Variants in WEE2 observed in about 807,000 individuals in gnomAD.
WEE2 encodes the protein WEE2 oocyte meiosis inhibiting kinase, also known as wee1-like protein kinase 2.
In WEE2, 50 loss-of-function variants were observed where a neutral mutation model predicts 60.1. That is an observed-to-expected ratio of 0.83 (90% confidence interval 0.66 to 1.05). The LOEUF (loss-of-function observed/expected upper bound fraction) is 1.05, where lower values mean the gene tolerates loss of function less well. Among genes scored for constraint, WEE2 ranks in the 50% least tolerant of loss-of-function variants. WEE2 has a pLI of 0.00. For missense variants in WEE2, 631 were observed against 684.3 expected (o/e 0.92, Z 0.87); for synonymous variants, 240 against 241.0 (o/e 1.00, Z 0.04).
chr7:141,716,768 A>G (rs1798805673), intron 3 of WEE2, among the ~76,000 whole-genome samples: 1 of 152,190 alleles, frequency 6.6e-6, no homozygotes, highest in Non-Finnish European at 1.5e-5. Context: ...AGGGAAAATT[A>G]AGATATTTTT....
At chr7:141,726,110 T>A (rs1563017097) in intron 9 of WEE2, among the ~76,000 whole-genome samples, 1 of 152,170 alleles carries the variant, frequency 6.6e-6, no homozygotes, top group Non-Finnish European at 1.5e-5. Flanking sequence ...AAAAGGAAGA[T>A]ACTATGTTGA....
rs1234271455 is a variant in WEE2, at chr7:141,719,113, A to G, written c.627A>G (p.Glu209=). Residue 209 remains glutamate, a synonymous_variant, in exon 4 of 12, where the codon GAA becomes GAG. Transcript: ENST00000397541. ...LRETNMASRY[E]KEFLEVEKIG... ...AAACCAACATGGCTTCCCGCTATGA[A>G]AAAGAATTCTTGGAGGTTGAAAAAA... 3 of 1,614,104 alleles carry G rather than the reference A, an allele frequency of 1.9e-6. No homozygotes were observed. In the African/African-American group the frequency reaches 4.0e-5, roughly 22 times the overall value.
At chr7:141,723,919 T>A (rs755667095) in intron 6 of WEE2, 22 bp from the exon 7 acceptor site, 2 of 1,504,984 alleles carry the variant, frequency 1.3e-6, no homozygotes, top group Non-Finnish European at 9.2e-7. Flanking sequence ...TACTTACATC[T>A]ATCCTGTCAT....
At chr7:141,716,947 C>A (rs1798809935) in intron 3 of WEE2, among the ~76,000 whole-genome samples, 1 of 152,066 alleles carries the variant, frequency 6.6e-6, no homozygotes, top group African/African-American at 2.4e-5. Flanking sequence ...CAAACATTAT[C>A]CTTAGAGATG....
chr7:141,716,633 A>T (rs1798802062), intron 3 of WEE2, among the ~76,000 whole-genome samples: 1 of 151,946 alleles, frequency 6.6e-6, no homozygotes. Context: ...GCTAGTTGTA[A>T]CTCTGCCAGG....
chr7:141,727,546 A>G (rs1799040288), intron 10 of WEE2, 100 bp downstream of exon 10: 3 of 1,445,038 alleles, frequency 2.1e-6, no homozygotes, highest in Admixed American at 4.2e-5. Context: ...AAGTATAAAT[A>G]TATTCACCAT....
chr7:141,723,906 C>T (rs749901624), intron 6 of WEE2, 35 bp from the exon 7 acceptor site: 35 of 1,355,650 alleles, frequency 2.6e-5, no homozygotes, highest in Middle Eastern at 4.0e-4. Context: ...GCTTAGAAGT[C>T]ATTACTTACA....
rs766578780 is a variant in WEE2 at position 141,727,259 on chromosome 7, A to C, written c.1393-45A>C. On this transcript the variant is annotated intron_variant, in intron 9 of 11. Transcript: ENST00000397541. The stretch of plus-strand genomic sequence containing the variant: ...TGGCTTGAATGGGAAGATTTTTCCC[A>C]ATAGTGAAGCTTCTGTTTCTTTCCT... The C allele has an allele frequency of 6.3e-6, 10 of 1,575,676 alleles. No homozygotes were observed. In the East Asian group the frequency reaches 2.2e-4, roughly 35 times the overall value.
chr7:141,708,947 G>A lies in WEE2; in HGVS notation c.189G>A (p.Val63=), dbSNP rs1300990044. The A allele has an allele frequency of 1.9e-6, 3 of 1,614,010 alleles. No homozygotes were observed. Among genetic ancestry groups the A allele is most frequent in the Non-Finnish European group, 2.5e-6 (3 of 1,180,028 alleles). ...GTPPWTPLSN[V]HELDTSSEKD... ...CACCTTGGACTCCCCTTAGCAACGT[G>A]CATGAGCTCGACACATCTTCGGAAA... Residue 63 remains valine, a synonymous_variant, in exon 1 of 12, where the codon GTG becomes GTA. Transcript: ENST00000397541.
At chr7:141,719,354 T>A in intron 4 of WEE2, 110 bp downstream of exon 4, 1 of 1,034,378 alleles carries the variant, frequency 9.7e-7, no homozygotes, top group South Asian at 1.9e-5. Flanking sequence ...ATTTGTGTTT[T>A]AAAATCACCC....
chr7:141,724,823 C>G (rs566357842), intron 8 of WEE2, among the ~76,000 whole-genome samples: 1 of 152,368 alleles, frequency 6.6e-6, no homozygotes, highest in East Asian at 1.9e-4. Context: ...CTGCCTTGGA[C>G]TCCTCAGGGC....
chr7:141,715,676 C>G (rs916050035), intron 2 of WEE2, among the ~76,000 whole-genome samples: 2 of 152,032 alleles, frequency 1.3e-5, no homozygotes, highest in East Asian at 1.9e-4. Flanking sequence ...ACCTGTGAAC[C>G]GATTACAAAG....
Position 141,730,392 on chromosome 7 carries a change from A to C in WEE2, c.*72A>C, listed in dbSNP as rs1316244973. The C allele has an allele frequency of 2.9e-6, 4 of 1,368,818 alleles. No homozygotes were observed. 84.8% of individuals were successfully genotyped at this position (1,368,818 alleles called of 1,614,324 possible). A position where few individuals can be genotyped will look rare whatever the true frequency, so the allele number is the denominator to read the frequency against. ...GTTGCTGTTGCTGATTCCCCACCAA[A>C]GATCCCAGGGACTCGTTGTACATAG... is the stretch of plus-strand genomic sequence containing the variant. On this transcript the variant is annotated 3_prime_UTR_variant, in exon 12 of 12. Coordinates refer to ENST00000397541, the MANE Select transcript of WEE2 (RefSeq NM_001105558.1).
Position 141,708,816 on chromosome 7 carries a change from G to A in WEE2, c.58G>A (p.Glu20Lys). 1.9e-6 allele frequency: 3 copies of A among 1,614,138 alleles called. No individual in the cohort carries two copies. The highest frequency in any genetic ancestry group is 2.5e-6 in the Non-Finnish European group (3 of 1,180,022). ...LRQKLNFSYC[E>K]ETEIEGQKKV... ...GCAGAAATTAAACTTTTCCTATTGT[G>A]AGGAGACTGAGATTGAAGGGCAGAA... Residue 20 changes from glutamate (E) to lysine (K), a missense_variant, in exon 1 of 12, where the codon GAG (glutamate) becomes AAG (lysine). Coordinates refer to ENST00000397541, the MANE Select transcript of WEE2 (RefSeq NM_001105558.1).
intron 3 of WEE2, among the ~76,000 whole-genome samples, chr7:141,718,726 C>T (rs1278941677): frequency 6.6e-6 from 1 of 152,010 alleles, no homozygotes; most frequent in African/African-American, 2.4e-5. Context: ...CACCCAGGTC[C>T]CAGTTATTCT....
At chr7:141,725,254 C>A (rs1363915131) in intron 9 of WEE2, 58 bp downstream of exon 9, 1 of 1,551,024 alleles carries the variant, frequency 6.4e-7, no homozygotes, top group East Asian at 2.3e-5. Flanking sequence ...AGTGCGATGG[C>A]AACTAGTTGG....
intron 10 of WEE2, among the ~76,000 whole-genome samples, chr7:141,728,932 T>G (rs1487383694): frequency 6.6e-6 from 1 of 152,130 alleles, no homozygotes; most frequent in Non-Finnish European, 1.5e-5. Flanking sequence ...AACCATCTCC[T>G]CCCCCGACTC....
intron 7 of WEE2, 62 bp from the exon 8 acceptor site, chr7:141,724,128 A>G (rs1798969343): frequency 6.3e-7 from 1 of 1,581,758 alleles, no homozygotes; most frequent in East Asian, 2.2e-5. Flanking sequence ...CATTTTAAGA[A>G]AGACATGCTT....
At chr7:141,716,297 C>T in intron 3 of WEE2, 30 bp downstream of exon 3, 1 of 1,605,886 alleles carries the variant, frequency 6.2e-7, no homozygotes, top group South Asian at 1.1e-5. Flanking sequence ...CCAGCGGCCA[C>T]AATATAGGCA....
Sources: gnomAD v4.1 joint callset for allele counts (sites outside exome capture counted in the v4.1 genomes callset) on GRCh38, gnomAD v4.1.1 for gene constraint, MANE v1.5 for transcripts, NCBI Gene and HGNC (gene_info 2026-07-23, HGNC 2026-07-21) for gene names.